Variants in PAQR6 observed in about 807,000 individuals in gnomAD.
The protein encoded by PAQR6 is membrane progestin receptor delta.
In PAQR6, 34 loss-of-function variants were observed where a neutral mutation model predicts 36.2. The ratio of observed to expected loss-of-function variants is 0.94; its 90% CI spans 0.71 to 1.25. The LOEUF is 1.25. Ranked by LOEUF, PAQR6 falls within the 50% of genes most tolerant of loss-of-function variation. PAQR6 has a pLI of 0.00. For synonymous variants in PAQR6, 190 were observed against 190.7 expected (o/e 1.00, Z 0.03); for missense variants, 431 against 445.7 (o/e 0.97, Z 0.30).
chr1:156,245,841 G>A lies in PAQR6; in HGVS notation c.326C>T (p.Pro109Leu). 6.2e-7 allele frequency: 1 copy of A among 1,606,942 alleles called. No individual in the cohort carries two copies. The highest frequency in any genetic ancestry group is 8.5e-7 in the Non-Finnish European group (1 of 1,177,278). ...CCAHTFSSMS[P>L]RMRHICYFLD... ...GAAGTAGCAGATGTGGCGCATGCGG[G>A]GCGACATGGAGCTGAAGGTGTGCGC... The change falls in exon 4 of 8, where the codon CCC (proline) becomes CTC (leucine). Residue 109 changes from proline (P) to leucine (L), a missense_variant. Physicochemically the swap from Pro to Leu is moderately conservative, Grantham distance 98. Transcript: ENST00000292291.
At position 156,243,366 on chromosome 1, in the gene PAQR6, G is replaced by A; in HGVS notation, c.*763C>T. 1 of 855,836 alleles carries A rather than the reference G, an allele frequency of 1.2e-6. No individual in the cohort carries two copies. Among genetic ancestry groups the A allele is most frequent in the Non-Finnish European group, 1.7e-6 (1 of 577,916 alleles). The allele number at this position is 855,836 out of a possible 1,614,324, so 53.0% of individuals were successfully genotyped here. On this transcript the variant is annotated 3_prime_UTR_variant, in exon 8 of 8. Coordinates refer to ENST00000292291, the MANE Select transcript of PAQR6 (RefSeq NM_198406.3). ...AGTTTATGGAGTGTGGGAGGGAGGT[G>A]TCAGGAGGATGGGGGTGAGGAGGTT...
rs771655822 is a variant in PAQR6, at chr1:156,245,878, C to G, written c.289G>C (p.Ala97Pro). The change falls in exon 4 of 8, where the codon GCG (alanine) becomes CCG (proline). Residue 97 changes from alanine to proline, a missense_variant. Ala to Pro is a conservative substitution (Grantham distance 27, BLOSUM62 -1). Transcript: ENST00000292291. ...CTGAAGGTGTGCGCGCAGCACGACG[C>G]GAAGGGGTAGAGGCAGGCGGGCAGC... ...FLLPACLYPFASCCAHTFSSM... is the reference protein window; with the variant it reads ...FLLPACLYPFPSCCAHTFSSM... 2 of 1,600,136 alleles carry G rather than the reference C, an allele frequency of 1.2e-6. No individual in the cohort carries two copies. Among genetic ancestry groups the G allele is most frequent in the South Asian group, 1.1e-5 (1 of 88,666 alleles).
In PAQR6 at chr1:156,246,897, G is replaced by A. The variant is rs1391098820; in HGVS notation, c.-25-141C>T. On this transcript the variant is annotated intron_variant, in intron 1 of 7. Coordinates refer to ENST00000292291, the MANE Select transcript of PAQR6 (RefSeq NM_198406.3). ...TCCTGGAGCTGCTTCCTTCAGGCCTGGGGAAGCTGGTCCACCTTCCCCAGC... is the reference window on the plus strand; with the variant it reads ...TCCTGGAGCTGCTTCCTTCAGGCCTAGGGAAGCTGGTCCACCTTCCCCAGC... The A allele has an allele frequency of 8.9e-6, 6 of 674,764 alleles. No homozygotes were observed. In the Admixed American group the frequency reaches 1.3e-4, roughly 14 times the overall value. The allele number at this position is 674,764 out of a possible 1,614,324, so 41.8% of individuals were successfully genotyped here.
Position 156,244,887 on chromosome 1 carries a change from G to A in PAQR6, c.634C>T (p.His212Tyr). 6.2e-7 allele frequency: 1 copy of A among 1,613,006 alleles called. No individual in the cohort carries two copies. The highest frequency in any genetic ancestry group is 8.5e-7 in the Non-Finnish European group (1 of 1,179,966). Residue 212 changes from histidine (H) to tyrosine (Y), a missense_variant, in exon 7 of 8, where the codon CAC becomes TAC. Physicochemically the swap from His to Tyr is moderately conservative, Grantham distance 83 (BLOSUM62 2). Coordinates refer to ENST00000292291, the MANE Select transcript of PAQR6 (RefSeq NM_198406.3). ...YRLGLCWGRG[H>Y]GCGQEALSTS... Reference sequence around the variant, plus strand: ...CTCAGGGCCTCCTGCCCACAGCCGTGGCCCCTGCCCCAGCACAGCCCGAGC... The same window carrying A: ...CTCAGGGCCTCCTGCCCACAGCCGTAGCCCCTGCCCCAGCACAGCCCGAGC...
chr1:156,245,501 TC>T, intron 5 of PAQR6, 33 bp downstream of exon 5: 1 of 1,610,360 alleles, frequency 6.2e-7, no homozygotes, highest in Non-Finnish European at 8.5e-7. Flanking sequence ...GCCTCCGCCT[TC>T]CCCGTCCCCA....
At chr1:156,246,827 G>A in intron 1 of PAQR6, 71 bp from the exon 2 acceptor site, 1 of 1,336,594 alleles carries the variant, frequency 7.5e-7, no homozygotes, top group Non-Finnish European at 1.0e-6. Context: ...CCTGGGTTCA[G>A]CCGCAGGATG....
rs567700054 is a variant in PAQR6, at chr1:156,246,687, G to T, written c.45C>A (p.Val15=). The stretch of plus-strand genomic sequence containing the variant: ...AGTGGGTGGAGCCCCTCACCCGGGG[G>T]ACCTGGTGGACTTGAAGAAGTTGGG... ...KLPQLLQVHQ[V]PRVFWEDGIM... is the part of the protein sequence containing the mutation. Residue 15 remains valine (V), a synonymous_variant, in exon 2 of 8, where the codon GTC becomes GTA. Coordinates refer to ENST00000292291, the MANE Select transcript of PAQR6 (RefSeq NM_198406.3). 10 of 1,613,642 alleles carry T rather than the reference G, an allele frequency of 6.2e-6. No homozygotes were observed. In the South Asian group the frequency reaches 6.6e-5, roughly 11 times the overall value.
chr1:156,243,971 C>T lies in PAQR6; in HGVS notation c.*158G>A. 1 of 1,614,226 alleles carries T rather than the reference C, an allele frequency of 6.2e-7. No homozygotes were observed. Among genetic ancestry groups the T allele is most frequent in the Non-Finnish European group, 8.5e-7 (1 of 1,180,018 alleles). ...CACTCTGCCAGTCCCCCTAGACACC[C>T]CTCCTCTTCTCTGCCCTCTCTCCTG... On this transcript the variant is annotated 3_prime_UTR_variant, in exon 8 of 8. Coordinates refer to ENST00000292291, the MANE Select transcript of PAQR6 (RefSeq NM_198406.3).
intron 1 of PAQR6, chr1:156,247,478 C>G (rs773332036): frequency 6.5e-6 from 1 of 152,696 alleles, no homozygotes; most frequent in Non-Finnish European, 1.5e-5. Context: ...GGACACTCCC[C>G]CCACCTCCCC....
In PAQR6 at chr1:156,243,380, G is replaced by C; in HGVS notation, c.*749C>G. ...GGGAGGGAGGTGTCAGGAGGATGGGGGTGAGGAGGTTTTACCTTCTTCAGT... is the reference window on the plus strand; with the variant it reads ...GGGAGGGAGGTGTCAGGAGGATGGGCGTGAGGAGGTTTTACCTTCTTCAGT... On this transcript the variant is annotated 3_prime_UTR_variant, in exon 8 of 8. Transcript: ENST00000292291. 1.4e-6 allele frequency: 1 copy of C among 735,634 alleles called. No individual in the cohort carries two copies. The highest frequency in any genetic ancestry group is 2.1e-6 in the Non-Finnish European group (1 of 473,110). The allele number at this position is 735,634 out of a possible 1,614,324, so 45.6% of individuals were successfully genotyped here. A position where few individuals can be genotyped will look rare whatever the true frequency, so the allele number is the denominator to read the frequency against.
In PAQR6 at chr1:156,245,165, C is replaced by G. The variant is rs570716347; in HGVS notation, c.586G>C (p.Asp196His). The part of the protein sequence containing the change: ...TGAFAYPFLF[D>H]NLPLFYRLGL... The stretch of plus-strand genomic sequence containing the variant: ...ACCCGATAAAAGAGTGGGAGGTTGT[C>G]GAACAGGAATGGATAGGCGAAGGCT... The change falls in exon 6 of 8, where the codon GAC becomes CAC. Residue 196 changes from aspartate to histidine, a missense_variant. By Grantham distance (81) the Asp-to-His change is moderately conservative. Transcript: ENST00000292291. 2 of 1,613,948 alleles carry G rather than the reference C, an allele frequency of 1.2e-6. No individual in the cohort carries two copies. Among genetic ancestry groups the G allele is most frequent in the Admixed American group, 3.3e-5 (2 of 60,010 alleles).
At chr1:156,245,756 C>G (rs781386530) in intron 4 of PAQR6, 26 bp downstream of exon 4, 3 of 1,572,108 alleles carry the variant, frequency 1.9e-6, no homozygotes, top group Admixed American at 1.9e-5. Context: ...GCCCAGACCC[C>G]GCGCTCCCGC....
Position 156,246,739 on chromosome 1 carries a change from T to G in PAQR6, c.-8A>C. On this transcript the variant is annotated 5_prime_UTR_variant, in exon 2 of 8. Transcript: ENST00000292291. The stretch of plus-strand genomic sequence containing the variant: ...CAGCTTGAGACTGAGCATGGTGGCC[T>G]GGTACCTCCACGTTGACCTAGAGAC... 6.2e-7 allele frequency: 1 copy of G among 1,613,544 alleles called. No individual in the cohort carries two copies. The highest frequency in any genetic ancestry group is 8.5e-7 in the Non-Finnish European group (1 of 1,179,812).
At position 156,244,377 on chromosome 1, in the gene PAQR6, A is replaced by T. The variant is rs1444232553; in HGVS notation, c.787T>A (p.Cys263Ser). ...TGGAAGTGGGTGCCCAGCACTGCAC[A>T]GATGTGGAATAACTGGTGGCTGTGG... Reference protein sequence around the residue: ...IGHSHQLFHICAVLGTHFQLE... With the variant: ...IGHSHQLFHISAVLGTHFQLE... The change falls in exon 8 of 8, where the codon TGT becomes AGT. Residue 263 changes from cysteine to serine, a missense_variant. Coordinates refer to ENST00000292291, the MANE Select transcript of PAQR6 (RefSeq NM_198406.3). 1 of 1,547,250 alleles carries T rather than the reference A, an allele frequency of 6.5e-7. No homozygotes were observed. Among genetic ancestry groups the T allele is most frequent in the South Asian group, 1.2e-5 (1 of 85,332 alleles).
At position 156,243,962 on chromosome 1, in the gene PAQR6, CT is replaced by C. The variant is rs753818523; in HGVS notation, c.*166del. 5 of 1,614,178 alleles carry C rather than the reference CT, an allele frequency of 3.1e-6. No individual in the cohort carries two copies. In the African/African-American group the frequency reaches 4.0e-5, roughly 13 times the overall value. ...TCCCTCTCACACTCTGCCAGTCCCC[CT>C]AGACACCCCTCCTCTTCTCTGCCCT... is the stretch of plus-strand genomic sequence containing the variant. On this transcript the variant is annotated 3_prime_UTR_variant, in exon 8 of 8. Transcript: ENST00000292291.
Position 156,245,257 on chromosome 1 carries a change from A to C in PAQR6, c.513-19T>G. On this transcript the variant is annotated intron_variant, in intron 5 of 7. Coordinates refer to ENST00000292291, the MANE Select transcript of PAQR6 (RefSeq NM_198406.3). ...CAGGAAACTGGGAGGCGGGAGGAAA[A>C]GGCCGGTCACCATCGCTGTGCTTGG... The C allele has an allele frequency of 1.9e-6, 3 of 1,604,836 alleles. No homozygotes were observed. The highest frequency in any genetic ancestry group is 2.6e-6 in the Non-Finnish European group (3 of 1,171,824).
Position 156,245,554 on chromosome 1 carries a change from C to A in PAQR6, c.493G>T (p.Gly165Cys). The stretch of plus-strand genomic sequence containing the variant: ...ACCCACCGGGAGTAGCAGGAGAGGC[C>A]GGTGCACAGGAAGGAGTTGAGTGCG... ...AAALNSFLCT[G>C]LSCYSRFLEL... Residue 165 changes from glycine to cysteine, a missense_variant, in exon 5 of 8, where the codon GGC (glycine) becomes TGC (cysteine). By Grantham distance (159) the Gly-to-Cys change is radical. Coordinates refer to ENST00000292291, the MANE Select transcript of PAQR6 (RefSeq NM_198406.3). 1 of 1,612,298 alleles carries A rather than the reference C, an allele frequency of 6.2e-7. No individual in the cohort carries two copies. The highest frequency in any genetic ancestry group is 8.5e-7 in the Non-Finnish European group (1 of 1,180,008).
intron 7 of PAQR6, 141 bp downstream of exon 7, chr1:156,244,620 C>G (rs1008619062): frequency 1.4e-5 from 21 of 1,502,566 alleles, no homozygotes; most frequent in Non-Finnish European, 1.8e-5. Context: ...CAGTGATGCT[C>G]TCGTTATAGG....
intron 1 of PAQR6, among the ~76,000 whole-genome samples, chr1:156,247,290 G>A (rs1224938364): frequency 2.6e-5 from 4 of 152,220 alleles, no homozygotes; most frequent in African/African-American, 9.6e-5. Flanking sequence ...TGTGCCCCCA[G>A]GAGAATTTTG....
Sources: gnomAD v4.1 joint callset for allele counts (sites outside exome capture counted in the v4.1 genomes callset) on GRCh38, gnomAD v4.1.1 for gene constraint, MANE v1.5 for transcripts, NCBI Gene and HGNC (gene_info 2026-07-23, HGNC 2026-07-21) for gene names.